The following ARHGAP11A variants were observed in gnomAD, a reference collection of about 807,000 sequenced individuals.
The protein encoded by ARHGAP11A is Rho GTPase activating protein 11A, also known as rho GTPase-activating protein 11A.
ARHGAP11A carries 36 observed loss-of-function variants against 60.5 expected under a neutral mutation model. The ratio of observed to expected loss-of-function variants is 0.59; its 90% confidence interval spans 0.46 to 0.79. The LOEUF is 0.79. Ranked by LOEUF, ARHGAP11A falls within the 30% of genes least tolerant of loss-of-function variation. The pLI is 0.00. For synonymous variants in ARHGAP11A, 362 were observed against 415.5 expected (o/e 0.87, Z 1.57); for missense variants, 1,071 against 1,199.2 (o/e 0.89, Z 1.58).
At position 32,616,056 on chromosome 15, in the gene ARHGAP11A, G is replaced by T. The variant is rs1004109913; in HGVS notation, c.-156G>T. On this transcript the variant is annotated 5_prime_UTR_variant, in exon 1 of 12. Transcript: ENST00000361627. ...GAGTGAGGATCAAGGAAAAGCCGTG[G>T]AAGTGGCCGGGGGTCGGGGCCGCAG... 2.9e-6 allele frequency: 3 copies of T among 1,045,816 alleles called. No individual in the cohort carries two copies. The African/African-American group carries it at 4.9e-5, about 17-fold the overall frequency. 64.8% of individuals were successfully genotyped at this position (1,045,816 alleles called of 1,614,324 possible). A position where few individuals can be genotyped will look rare whatever the true frequency, so the allele number is the denominator to read the frequency against.
chr15:32,625,725 T>A lies in ARHGAP11A; in HGVS notation c.862+92T>A. 1.1e-5 allele frequency: 14 copies of A among 1,332,186 alleles called. No individual in the cohort carries two copies. The South Asian group carries it at 2.0e-4, about 19-fold the overall frequency. The allele number at this position is 1,332,186 out of a possible 1,614,324, so 82.5% of individuals were successfully genotyped here. A position where few individuals can be genotyped will look rare whatever the true frequency, so the allele number is the denominator to read the frequency against. ...AGAAGCATGAACTGTGGTATGTGCC[T>A]TTTTGGTGCTTAAAGCACAGCTGGA... On this transcript the variant is annotated intron_variant, in intron 6 of 11. Coordinates refer to ENST00000361627, the MANE Select transcript of ARHGAP11A (RefSeq NM_014783.6).
chr15:32,631,156 C>A (rs1054957456), intron 8 of ARHGAP11A, among the ~76,000 whole-genome samples: 4 of 152,324 alleles, frequency 2.6e-5, no homozygotes, highest in Admixed American at 6.5e-5. Context: ...CCTACTTTCT[C>A]AGCCACAATT....
chr15:32,636,345 TA>T lies in ARHGAP11A; in HGVS notation c.1574del (p.Asn525IlefsTer8), dbSNP rs1365971021. On this transcript the variant is annotated frameshift_variant, in exon 12 of 12. Coordinates refer to ENST00000361627, the MANE Select transcript of ARHGAP11A (RefSeq NM_014783.6). LOFTEE classifies it low-confidence loss of function (END_TRUNC). ...ATTACCGGATGTCTTGGACAGGACCTAATAATTCAAGTTTTCAAGAAGTAGA... is the reference window on the plus strand; with the variant it reads ...ATTACCGGATGTCTTGGACAGGACCTATAATTCAAGTTTTCAAGAAGTAGA... ...TNYRMSWTGP[N>X]NSSFQEVDAN... is the part of the protein sequence containing the mutation. 1 of 1,613,940 alleles carries T rather than the reference TA, an allele frequency of 6.2e-7. No homozygotes were observed. The highest frequency in any genetic ancestry group is 2.2e-5 in the East Asian group (1 of 44,878).
In ARHGAP11A at chr15:32,635,796, A is replaced by G; in HGVS notation, c.1364A>G (p.Asn455Ser). The change falls in exon 11 of 12, where the codon AAT (asparagine) becomes AGT (serine). Residue 455 changes from asparagine (N) to serine (S), a missense_variant. By Grantham distance (46) the Asn-to-Ser change is conservative. Coordinates refer to ENST00000361627, the MANE Select transcript of ARHGAP11A (RefSeq NM_014783.6). Reference protein sequence around the residue: ...GREVNGCSGVNRYESVGWRLA... With the variant: ...GREVNGCSGVSRYESVGWRLA... The stretch of plus-strand genomic sequence containing the variant: ...GTACAGAATGGATGTTCTGGTGTCA[A>G]TAGATATGAAAGTGTTGGTTGGCGA... The G allele has an allele frequency of 1.9e-6, 3 of 1,608,614 alleles. No homozygotes were observed. The highest frequency in any genetic ancestry group is 1.1e-5 in the South Asian group (1 of 89,878).
chr15:32,632,963 G>A lies in ARHGAP11A; in HGVS notation c.1106-16G>A. ...AATAGATATGTGTGGTATATTACATGTGGTTATTTTTGTAGTTCACATCGA... is the reference window on the plus strand; with the variant it reads ...AATAGATATGTGTGGTATATTACATATGGTTATTTTTGTAGTTCACATCGA... On this transcript the variant is annotated splice_polypyrimidine_tract_variant and intron_variant, in intron 8 of 11. Transcript: ENST00000361627. The A allele has an allele frequency of 6.2e-7, 1 of 1,605,754 alleles. No individual in the cohort carries two copies. Among genetic ancestry groups the A allele is most frequent in the Non-Finnish European group, 8.5e-7 (1 of 1,175,402 alleles).
intron 1 of ARHGAP11A, among the ~76,000 whole-genome samples, chr15:32,619,015 A>G (rs931346430): frequency 2.0e-5 from 3 of 152,102 alleles, no homozygotes; most frequent in African/African-American, 7.2e-5. Context: ...ACTATACTAT[A>G]CTGTCTTTTC....
intron 9 of ARHGAP11A, among the ~76,000 whole-genome samples, chr15:32,633,457 A>G (rs1378799647): frequency 6.6e-6 from 1 of 152,056 alleles, no homozygotes; most frequent in African/African-American, 2.4e-5. Context: ...CCTGGGCAAC[A>G]TGGCAAAACC....
At chr15:32,631,656 T>C (rs918362172) in intron 8 of ARHGAP11A, among the ~76,000 whole-genome samples, 2 of 152,234 alleles carry the variant, frequency 1.3e-5, no homozygotes, top group African/African-American at 4.8e-5. Context: ...TGACTGTGCC[T>C]CCTGCGACCA....
chr15:32,624,488 T>G (rs1158389437), intron 4 of ARHGAP11A, 62 bp downstream of exon 4: 1 of 1,521,064 alleles, frequency 6.6e-7, no homozygotes, highest in East Asian at 2.3e-5. Flanking sequence ...CGTTTTATGC[T>G]TGTAGATATG....
intron 2 of ARHGAP11A, among the ~76,000 whole-genome samples, chr15:32,621,537 A>C (rs1262129320): frequency 6.6e-6 from 1 of 152,300 alleles, no homozygotes; most frequent in African/African-American, 2.4e-5. Context: ...TTTTAAGAAT[A>C]TAATTTAGCC....
At position 32,638,537 on chromosome 15, in the gene ARHGAP11A, T is replaced by G. The variant is rs577179704; in HGVS notation, c.*692T>G. 1 of 152,376 alleles carries G rather than the reference T, an allele frequency of 6.6e-6. No homozygotes were observed. Among genetic ancestry groups the G allele is most frequent in the East Asian group, 1.9e-4 (1 of 5,190 alleles). 9.4% of individuals were successfully genotyped at this position (152,376 alleles called of 1,614,324 possible). A position where few individuals can be genotyped will look rare whatever the true frequency, so the allele number is the denominator to read the frequency against. On this transcript the variant is annotated 3_prime_UTR_variant, in exon 12 of 12. Transcript: ENST00000361627. The stretch of plus-strand genomic sequence containing the variant: ...ATTTCTAGCATATAAAGGGTAGAGA[T>G]AAACTCTGCAAATCTTATGTCTGGA...
chr15:32,632,349 T>G (rs2053604256), intron 8 of ARHGAP11A, among the ~76,000 whole-genome samples: 1 of 152,210 alleles, frequency 6.6e-6, no homozygotes, highest in South Asian at 2.1e-4. Flanking sequence ...CAGTAATTAT[T>G]TGCATGGAAC....
intron 3 of ARHGAP11A, among the ~76,000 whole-genome samples, chr15:32,623,917 A>G (rs369217754): frequency 6.6e-6 from 1 of 152,072 alleles, no homozygotes; most frequent in Non-Finnish European, 1.5e-5. Flanking sequence ...AGTCCCAGCT[A>G]CTTGGGAGGC....
chr15:32,638,902 A>T lies in ARHGAP11A; in HGVS notation c.*1057A>T, dbSNP rs2053785527. The T allele has an allele frequency of 6.6e-6, 1 of 152,620 alleles. No homozygotes were observed. The highest frequency in any genetic ancestry group is 1.5e-5 in the Non-Finnish European group (1 of 68,016). The allele number at this position is 152,620 out of a possible 1,614,324, so 9.5% of individuals were successfully genotyped here. ...AAAATTAACCAAGGTGATTTCTTAT[A>T]TGTAGATGCTCGATTTTGGAATTTG... On this transcript the variant is annotated 3_prime_UTR_variant, in exon 12 of 12. Coordinates refer to ENST00000361627, the MANE Select transcript of ARHGAP11A (RefSeq NM_014783.6).
rs2053728674 is a variant in ARHGAP11A, at chr15:32,636,872, A to C, written c.2099A>C (p.Glu700Ala). 6.2e-7 allele frequency: 1 copy of C among 1,612,828 alleles called. No homozygotes were observed. The highest frequency in any genetic ancestry group is 1.3e-5 in the African/African-American group (1 of 74,844). The change falls in exon 12 of 12, where the codon GAA (glutamate) becomes GCA (alanine). Residue 700 changes from glutamate (E) to alanine (A), a missense_variant. Glu to Ala is a moderately radical substitution (Grantham distance 107). Coordinates refer to ENST00000361627, the MANE Select transcript of ARHGAP11A (RefSeq NM_014783.6). ...TCAACTCAGATGAAGATGGAACATG[A>C]AAAAGACATTCATTCAAATATGCCA... is the stretch of plus-strand genomic sequence containing the variant. ...CYSTQMKMEH[E>A]KDIHSNMPKD...
At chr15:32,620,624 T>C (rs2140443821) in intron 2 of ARHGAP11A, among the ~76,000 whole-genome samples, 1 of 151,972 alleles carries the variant, frequency 6.6e-6, no homozygotes, top group South Asian at 2.1e-4. Flanking sequence ...AATTTTAAAG[T>C]CCAGTAATGA....
chr15:32,631,533 T>G (rs569309235), intron 8 of ARHGAP11A, among the ~76,000 whole-genome samples: 2 of 151,810 alleles, frequency 1.3e-5, no homozygotes, highest in African/African-American at 4.8e-5. Context: ...CTCCCGACAT[T>G]AGCTGATCAA....
chr15:32,623,817 A>G (rs1486882708), intron 3 of ARHGAP11A, among the ~76,000 whole-genome samples: 1 of 152,028 alleles, frequency 6.6e-6, no homozygotes, highest in Non-Finnish European at 1.5e-5. Flanking sequence ...TCTATCAAGT[A>G]TTATGTAAAA....
At chr15:32,635,248 T>C (rs2053678326) in intron 10 of ARHGAP11A, among the ~76,000 whole-genome samples, 1 of 152,224 alleles carries the variant, frequency 6.6e-6, no homozygotes, top group Non-Finnish European at 1.5e-5. Context: ...GCTCTCACCT[T>C]TGTTTTGTTT....
Sources: gnomAD v4.1 joint callset for allele counts (sites outside exome capture counted in the v4.1 genomes callset) on GRCh38, gnomAD v4.1.1 for gene constraint, MANE v1.5 for transcripts, NCBI Gene and HGNC (gene_info 2026-07-23, HGNC 2026-07-21) for gene names.